The following METTL9 variants were observed in gnomAD, a reference collection of about 807,000 sequenced individuals.
METTL9 encodes the protein protein-L-histidine N-pros-methyltransferase.
A neutral mutation model predicts 36.0 loss-of-function variants in METTL9; 10 were observed. That is an observed-to-expected ratio of 0.28 (90% CI 0.17 to 0.47). The LOEUF (loss-of-function observed/expected upper bound fraction) is 0.47. METTL9 is among the 20% of genes least tolerant of loss of function. The pLI is 0.99. For missense variants in METTL9, 246 were observed against 383.5 expected, an observed-to-expected ratio of 0.64 and a Z score of 3.00; for synonymous variants, 175 against 149.7, an observed-to-expected ratio of 1.17 and a Z score of -1.23.
At chr16:21,647,325 A>G (rs1440225239) in intron 4 of METTL9, 3 of 1,614,226 alleles carry the variant, frequency 1.9e-6, no homozygotes, top group East Asian at 2.2e-5. Flanking sequence ...CCGTCCAAGC[A>G]CAGGTTCTCA....
intron 1 of METTL9, among the ~76,000 whole-genome samples, chr16:21,602,688 C>A (rs2369818): frequency 6.7e-6 from 1 of 150,306 alleles, no homozygotes; most frequent in African/African-American, 2.5e-5. Flanking sequence ...GATGGAGTCT[C>A]GCTTCGTCAC....
chr16:21,646,977 A>T (rs764338297), intron 4 of METTL9: 2 of 1,007,698 alleles, frequency 2.0e-6, no homozygotes, highest in African/African-American at 3.1e-5. Context: ...CTTTAGTCCA[A>T]ACCTCATGGT....
intron 4 of METTL9, among the ~76,000 whole-genome samples, chr16:21,632,494 G>A (rs1048712690): frequency 6.6e-6 from 1 of 152,100 alleles, no homozygotes; most frequent in African/African-American, 2.4e-5. Flanking sequence ...AGATCATCTC[G>A]GGCCACATAA....
At position 21,623,608 on chromosome 16, in the gene METTL9, C is replaced by T. The variant is rs1172326781; in HGVS notation, c.567-1323C>T. On this transcript the variant is annotated intron_variant, in intron 3 of 4. Coordinates refer to ENST00000358154, the MANE Select transcript of METTL9 (RefSeq NM_016025.5). ...AAGACTCTTGATATAAAAACTCCCC[C>T]TTTCTAGAGATAACAACATTGTAGA... Among the ~76,000 whole-genome samples, 5 of 152,146 alleles carry T rather than the reference C, an allele frequency of 3.3e-5. No homozygotes were observed. The South Asian group carries it at 8.3e-4, about 25-fold the overall frequency.
intron 1 of METTL9, among the ~76,000 whole-genome samples, chr16:21,605,300 A>C (rs764301229): frequency 2.9e-5 from 1 of 34,400 alleles, no homozygotes; most frequent in South Asian, 9.5e-4. Context: ...TTTTTTTGAG[A>C]AACAAGTTCT....
chr16:21,631,659 A>G (rs1029273407), intron 4 of METTL9, among the ~76,000 whole-genome samples: 52 of 152,130 alleles, frequency 3.4e-4, no homozygotes, highest in African/African-American at 1.1e-3. Context: ...GGACCTTTGT[A>G]TGGTGATTAA....
At chr16:21,606,999 T>C (rs1965307664) in intron 1 of METTL9, among the ~76,000 whole-genome samples, 1 of 152,156 alleles carries the variant, frequency 6.6e-6, no homozygotes, top group South Asian at 2.1e-4. Flanking sequence ...TATAGGAAAA[T>C]TGCATTCCTA....
chr16:21,655,201 T>C, intron 4 of METTL9, 26 bp from the exon 5 acceptor site: 1 of 1,598,340 alleles, frequency 6.3e-7, no homozygotes, highest in South Asian at 1.1e-5. Context: ...TTCAAGAATT[T>C]AACTGAATGT....
intron 4 of METTL9, among the ~76,000 whole-genome samples, chr16:21,649,939 G>A (rs1966524484): frequency 6.6e-6 from 1 of 152,060 alleles, no homozygotes; most frequent in Non-Finnish European, 1.5e-5. Context: ...AAACTCCTGG[G>A]CTCAAGCAAT....
intron 4 of METTL9, 75 bp from the exon 5 acceptor site, chr16:21,655,152 A>G (rs368270050): frequency 1.9e-5 from 26 of 1,362,286 alleles, no homozygotes; most frequent in East Asian, 1.4e-4. Context: ...CTTGGTAGAT[A>G]TGGCTCCTCC....
chr16:21,617,769 T>G, intron 2 of METTL9, 96 bp from the exon 3 acceptor site: 9 of 1,059,184 alleles, frequency 8.5e-6, no homozygotes, highest in Non-Finnish European at 1.3e-5. Context: ...GTGATTATGG[T>G]TGTTGGTGCT....
chr16:21,643,759 A>G (rs188012693), intron 4 of METTL9, among the ~76,000 whole-genome samples: 101 of 152,314 alleles, frequency 6.6e-4, no homozygotes, highest in Middle Eastern at 6.8e-3. Flanking sequence ...ACTCCATTAA[A>G]AACTAATTGA....
intron 4 of METTL9, among the ~76,000 whole-genome samples, chr16:21,645,939 C>T (rs1966413799): frequency 1.3e-5 from 2 of 152,284 alleles, no homozygotes; most frequent in Middle Eastern, 3.4e-3. Flanking sequence ...TTAGAACCCT[C>T]GTAGTTTAAA....
intron 4 of METTL9, among the ~76,000 whole-genome samples, chr16:21,636,103 G>A (rs1335276902): frequency 6.6e-6 from 1 of 152,172 alleles, no homozygotes; most frequent in Non-Finnish European, 1.5e-5. Flanking sequence ...AAGATGTTGT[G>A]CCTCAAAAAT....
chr16:21,637,501 G>T (rs1201194732), intron 4 of METTL9, among the ~76,000 whole-genome samples: 1 of 152,236 alleles, frequency 6.6e-6, no homozygotes, highest in Non-Finnish European at 1.5e-5. Context: ...AGACAGAAAA[G>T]TTCTCCAGGT....
intron 3 of METTL9, 148 bp from the exon 4 acceptor site, chr16:21,624,783 C>A: frequency 1.4e-6 from 1 of 724,110 alleles, no homozygotes; most frequent in Non-Finnish European, 2.2e-6. Flanking sequence ...CTTCCTTGGC[C>A]ATGTCATTAT....
chr16:21,616,965 AT>A (rs1965568440), intron 2 of METTL9, among the ~76,000 whole-genome samples: 1 of 151,600 alleles, frequency 6.6e-6, no homozygotes, highest in Admixed American at 6.6e-5. Flanking sequence ...TCTCTTACTT[AT>A]TTCTTCTTCC....
intron 4 of METTL9, among the ~76,000 whole-genome samples, chr16:21,634,432 C>A (rs544771728): frequency 6.6e-6 from 1 of 152,294 alleles, no homozygotes; most frequent in South Asian, 2.1e-4. Context: ...CGGCTTATTT[C>A]TCATTGGACA....
intron 4 of METTL9, chr16:21,643,616 A>G: frequency 6.4e-7 from 1 of 1,566,006 alleles, no homozygotes; most frequent in South Asian, 1.1e-5. Context: ...GAAGAGAAGG[A>G]AAGTCTATGA....
Sources: gnomAD v4.1 joint callset for allele counts (sites outside exome capture counted in the v4.1 genomes callset) on GRCh38, gnomAD v4.1.1 for gene constraint, MANE v1.5 for transcripts, NCBI Gene and HGNC (gene_info 2026-07-23, HGNC 2026-07-21) for gene names.